ALG10B: variants seen among roughly 807,000 people sequenced by gnomAD.
ALG10B encodes the protein dol-P-Glc:Glc(2)Man(9)GlcNAc(2)-PP-Dol alpha-1,2-glucosyltransferase B.
In ALG10B, 27 loss-of-function variants were observed where a neutral mutation model predicts 38.7. The ratio of observed to expected loss-of-function variants is 0.70; its 90% confidence interval spans 0.51 to 0.96. The LOEUF (loss-of-function observed/expected upper bound fraction) is 0.96, where lower values mean the gene tolerates loss of function less well. Among genes scored for constraint, ALG10B ranks in the 40% least tolerant of loss-of-function variants. The pLI is 0.00. For synonymous variants in ALG10B, 177 were observed against 193.3 expected, an observed-to-expected ratio of 0.92 and a Z score of 0.70; for missense variants, 522 against 542.7, an observed-to-expected ratio of 0.96 and a Z score of 0.38.
At chr12:38,318,950 A>G (rs1322609538) in intron 2 of ALG10B, among the ~76,000 whole-genome samples, 2 of 152,234 alleles carry the variant, frequency 1.3e-5, no homozygotes, top group Non-Finnish European at 2.9e-5. Context: ...CATCTGTTAA[A>G]TAAGAATAAC....
chr12:38,328,870 C>T lies in ALG10B; in HGVS notation c.*7657C>T. Reference sequence around the variant, plus strand: ...GAAAACTCGTGTAACATTGTATCAGCCACTGTTATAAAGTGATTTACCCAT... The same window carrying T: ...GAAAACTCGTGTAACATTGTATCAGTCACTGTTATAAAGTGATTTACCCAT... On this transcript the variant is annotated 3_prime_UTR_variant, in exon 3 of 3. Transcript: ENST00000308742. The T allele has an allele frequency of 4.5e-6, 1 of 224,568 alleles. No homozygotes were observed. The highest frequency in any genetic ancestry group is 8.6e-6 in the Non-Finnish European group (1 of 115,636). The allele number at this position is 224,568 out of a possible 1,614,324, so 13.9% of individuals were successfully genotyped here. A position where few individuals can be genotyped will look rare whatever the true frequency, so the allele number is the denominator to read the frequency against.
At chr12:38,319,986 G>A (rs989510065) in intron 2 of ALG10B, among the ~76,000 whole-genome samples, 175 bp from the exon 3 acceptor site, 1 of 152,154 alleles carries the variant, frequency 6.6e-6, no homozygotes, top group Non-Finnish European at 1.5e-5. Flanking sequence ...ACCAGGAAGT[G>A]TTCTTATAAA....
intron 2 of ALG10B, 47 bp from the exon 3 acceptor site, chr12:38,320,114 G>A (rs770555063): frequency 2.5e-6 from 4 of 1,607,286 alleles, no homozygotes; most frequent in South Asian, 2.2e-5. Context: ...AGCAGAAATA[G>A]CATTTATCAT....
rs773632002 is a variant in ALG10B, at chr12:38,318,293, G to A, written c.204G>A (p.Leu68=). Residue 68 remains leucine (L), a synonymous_variant, in exon 2 of 3, where the codon TTG becomes TTA. Coordinates refer to ENST00000308742, the MANE Select transcript of ALG10B (RefSeq NM_001013620.4). ...WDPMITTLPG[L]YLVSVGVVKP... ...CCATGATTACTACATTACCTGGCTT[G>A]TACCTGGTGTCAGTTGGAGTGGTCA... The A allele has an allele frequency of 6.2e-7, 1 of 1,614,058 alleles. No individual in the cohort carries two copies. The highest frequency in any genetic ancestry group is 8.5e-7 in the Non-Finnish European group (1 of 1,180,000).
upstream of ALG10B, chr12:38,316,770 G>A: frequency 6.5e-7 from 1 of 1,528,366 alleles, no homozygotes; most frequent in Non-Finnish European, 9.0e-7. Context: ...TTGCCTTCCG[G>A]TATGTGGCCC....
At chr12:38,318,084 G>C in intron 1 of ALG10B, 177 bp from the exon 2 acceptor site, 1 of 749,376 alleles carries the variant, frequency 1.3e-6, no homozygotes, top group Non-Finnish European at 2.2e-6. Flanking sequence ...AAGCTGGTCC[G>C]GGGGCAAAAA....
In ALG10B at chr12:38,329,580, G is replaced by T; in HGVS notation, c.*8367G>T. 1 of 184,452 alleles carries T rather than the reference G, an allele frequency of 5.4e-6. No homozygotes were observed. The highest frequency in any genetic ancestry group is 1.1e-5 in the Non-Finnish European group (1 of 90,308). 11.4% of individuals were successfully genotyped at this position (184,452 alleles called of 1,614,324 possible). On this transcript the variant is annotated 3_prime_UTR_variant, in exon 3 of 3. Coordinates refer to ENST00000308742, the MANE Select transcript of ALG10B (RefSeq NM_001013620.4). ...GTATTACATACTATTCTCTAAAATAGAAATGTTTATTTGGCTTCTAAAAGT... is the reference window on the plus strand; with the variant it reads ...GTATTACATACTATTCTCTAAAATATAAATGTTTATTTGGCTTCTAAAAGT...
At position 38,327,106 on chromosome 12, in the gene ALG10B, A is replaced by G. The variant is rs1364085084; in HGVS notation, c.*5893A>G. ...ATATATGTAATGTATGTGTGTGTGT[A>G]TACATATAATTTCTCCTTTTTTTTT... On this transcript the variant is annotated 3_prime_UTR_variant, in exon 3 of 3. Transcript: ENST00000308742. 2 of 130,800 alleles carry G rather than the reference A, an allele frequency of 1.5e-5. No individual in the cohort carries two copies. Among genetic ancestry groups the G allele is most frequent in the Non-Finnish European group, 3.1e-5 (2 of 63,828 alleles). 8.1% of individuals were successfully genotyped at this position (130,800 alleles called of 1,614,324 possible).
rs773262920 is a variant in ALG10B at position 38,320,657 on chromosome 12, C to G, written c.866C>G (p.Pro289Arg). 1.9e-6 allele frequency: 3 copies of G among 1,613,800 alleles called. No individual in the cohort carries two copies. The Admixed American group carries it at 5.0e-5, about 27-fold the overall frequency. ...AGTCATGAAGCCTGTCTTCATTTTC[C>G]TCAACTATTCTACTTTTTTTCATTT... ...RSSHEACLHF[P>R]QLFYFFSFTL... The change falls in exon 3 of 3, where the codon CCT becomes CGT. Residue 289 changes from proline (P) to arginine (R), a missense_variant. Physicochemically the swap from Pro to Arg is moderately radical, Grantham distance 103. Coordinates refer to ENST00000308742, the MANE Select transcript of ALG10B (RefSeq NM_001013620.4).
Position 38,324,680 on chromosome 12 carries a change from C to T in ALG10B, c.*3467C>T, listed in dbSNP as rs1383562711. ...CACAACAGATCATTTTGCCTTTAGT[C>T]GTTCAAGAAATGATACTAAACTCAA... On this transcript the variant is annotated 3_prime_UTR_variant, in exon 3 of 3. Coordinates refer to ENST00000308742, the MANE Select transcript of ALG10B (RefSeq NM_001013620.4). 9.2e-5 allele frequency: 14 copies of T among 152,108 alleles called. No individual in the cohort carries two copies. The highest frequency in any genetic ancestry group is 1.9e-4 in the East Asian group (1 of 5,190). The allele number at this position is 152,108 out of a possible 1,614,324, so 9.4% of individuals were successfully genotyped here.
rs1011500867 is a variant in ALG10B at position 38,327,988 on chromosome 12, A to C, written c.*6775A>C. The C allele has an allele frequency of 6.6e-5, 10 of 152,222 alleles. No individual in the cohort carries two copies. Among genetic ancestry groups the C allele is most frequent in the African/African-American group, 1.2e-4 (5 of 41,468 alleles). 9.4% of individuals were successfully genotyped at this position (152,222 alleles called of 1,614,324 possible). On this transcript the variant is annotated 3_prime_UTR_variant, in exon 3 of 3. Coordinates refer to ENST00000308742, the MANE Select transcript of ALG10B (RefSeq NM_001013620.4). ...GAGGTCAACAATTAGATTGCAAATC[A>C]TGAAAAGCATAACTTCTAATTGTTT...
Position 38,327,604 on chromosome 12 carries a change from A to G in ALG10B, c.*6391A>G, listed in dbSNP as rs1362210711. The G allele has an allele frequency of 6.6e-6, 1 of 151,436 alleles. No individual in the cohort carries two copies. Among genetic ancestry groups the G allele is most frequent in the African/African-American group, 2.4e-5 (1 of 41,188 alleles). 9.4% of individuals were successfully genotyped at this position (151,436 alleles called of 1,614,324 possible). On this transcript the variant is annotated 3_prime_UTR_variant, in exon 3 of 3. Transcript: ENST00000308742. Reference sequence around the variant, plus strand: ...GATTGGTATGACTCCCAAGCCTGTGAGTTTTTGACCGTCATATTCTGCCTC... The same window carrying G: ...GATTGGTATGACTCCCAAGCCTGTGGGTTTTTGACCGTCATATTCTGCCTC...
In ALG10B at chr12:38,320,241, T is replaced by G. The variant is rs1945689255; in HGVS notation, c.450T>G (p.Tyr150Ter). ...CACTTTATTTTTTTAACTTCCTTTA[T>G]TATACAGAAGCAGGATCTATGTTTT... ...FPTLYFFNFL[Y>*]YTEAGSMFFT... is the part of the protein sequence containing the mutation. The change falls in exon 3 of 3, where the codon TAT becomes TAG. Residue 150 changes from tyrosine (Y) to a stop codon, truncating the protein, a stop_gained. Transcript: ENST00000308742. LOFTEE classifies it high-confidence loss of function. The G allele has an allele frequency of 3.7e-6, 6 of 1,614,040 alleles. No individual in the cohort carries two copies. Among genetic ancestry groups the G allele is most frequent in the South Asian group, 3.3e-5 (3 of 91,074 alleles).
chr12:38,321,405 C>A lies in ALG10B; in HGVS notation c.*192C>A, dbSNP rs938544762. On this transcript the variant is annotated 3_prime_UTR_variant, in exon 3 of 3. Transcript: ENST00000308742. ...GGCAAAGAACTGGGAAAGCTTAAGA[C>A]CTGCTTCAAAAGCCTGAATAATGGG... The A allele has an allele frequency of 8.0e-6, 4 of 502,666 alleles. No homozygotes were observed. Among genetic ancestry groups the A allele is most frequent in the African/African-American group, 5.9e-5 (3 of 50,462 alleles). The allele number at this position is 502,666 out of a possible 1,614,324, so 31.1% of individuals were successfully genotyped here. A position where few individuals can be genotyped will look rare whatever the true frequency, so the allele number is the denominator to read the frequency against.
chr12:38,329,680 ATGT>A lies in ALG10B; in HGVS notation c.*8469_*8471del, dbSNP rs537734762. The A allele has an allele frequency of 6.5e-6, 1 of 152,800 alleles. No individual in the cohort carries two copies. Among genetic ancestry groups the A allele is most frequent in the South Asian group, 2.1e-4 (1 of 4,818 alleles). 9.5% of individuals were successfully genotyped at this position (152,800 alleles called of 1,614,324 possible). ...TTATAAAAAAGTTTGTTCAAATAGC[ATGT>A]TTTTATTTTGTTTCTAAATAAATTC... is the stretch of plus-strand genomic sequence containing the variant. On this transcript the variant is annotated 3_prime_UTR_variant, in exon 3 of 3. Coordinates refer to ENST00000308742, the MANE Select transcript of ALG10B (RefSeq NM_001013620.4).
chr12:38,318,994 A>G (rs1286614853), intron 2 of ALG10B, among the ~76,000 whole-genome samples: 1 of 152,234 alleles, frequency 6.6e-6, no homozygotes, highest in African/African-American at 2.4e-5. Context: ...GTTATAAAGG[A>G]ACAAGGAAAC....
At position 38,318,497 on chromosome 12, in the gene ALG10B, T is replaced by A. The variant is rs1189089473; in HGVS notation, c.369+39T>A. 3.9e-6 allele frequency: 6 copies of A among 1,547,116 alleles called. No individual in the cohort carries two copies. The South Asian group carries it at 5.6e-5, about 14-fold the overall frequency. ...TACTTAATTACAAGTTTATGTGTAG[T>A]CAGGTCCACAATTACAATGAATTAG... is the stretch of plus-strand genomic sequence containing the variant. On this transcript the variant is annotated intron_variant, in intron 2 of 2. Coordinates refer to ENST00000308742, the MANE Select transcript of ALG10B (RefSeq NM_001013620.4).
rs1460592554 is a variant in ALG10B, at chr12:38,323,359, G to C, written c.*2146G>C. On this transcript the variant is annotated 3_prime_UTR_variant, in exon 3 of 3. Transcript: ENST00000308742. ...ACAACTGCTGGGGTAGGATTATTTTGTGTTACTTTTTGAATTTTGTGTTTA... is the reference window on the plus strand; with the variant it reads ...ACAACTGCTGGGGTAGGATTATTTTCTGTTACTTTTTGAATTTTGTGTTTA... 1 of 152,452 alleles carries C rather than the reference G, an allele frequency of 6.6e-6. No individual in the cohort carries two copies. Among genetic ancestry groups the C allele is most frequent in the Non-Finnish European group, 1.5e-5 (1 of 68,252 alleles). The allele number at this position is 152,452 out of a possible 1,614,324, so 9.4% of individuals were successfully genotyped here.
rs986174087 is a variant in ALG10B at position 38,326,926 on chromosome 12, T to C, written c.*5713T>C. On this transcript the variant is annotated 3_prime_UTR_variant, in exon 3 of 3. Coordinates refer to ENST00000308742, the MANE Select transcript of ALG10B (RefSeq NM_001013620.4). ...CTCTATATTGTGCTTTTTTAAGAGA[T>C]AAATTTTTGATGAATTTAATGTTAA... 1 of 151,414 alleles carries C rather than the reference T, an allele frequency of 6.6e-6. No homozygotes were observed. Among genetic ancestry groups the C allele is most frequent in the Non-Finnish European group, 1.5e-5 (1 of 67,838 alleles). 9.4% of individuals were successfully genotyped at this position (151,414 alleles called of 1,614,324 possible).
Sources: gnomAD v4.1 joint callset for allele counts (sites outside exome capture counted in the v4.1 genomes callset) on GRCh38, gnomAD v4.1.1 for gene constraint, MANE v1.5 for transcripts, NCBI Gene and HGNC (gene_info 2026-07-23, HGNC 2026-07-21) for gene names.